DLGAP4: variants seen among roughly 807,000 people sequenced by gnomAD.
DLGAP4 encodes DLG associated protein 4.
A neutral mutation model predicts 86.9 loss-of-function variants in DLGAP4; 18 were observed. The ratio of observed to expected loss-of-function variants is 0.21; its 90% CI spans 0.14 to 0.31. DLGAP4 has a LOEUF of 0.31. DLGAP4 is among the 10% of genes least tolerant of loss of function. The pLI is 1.00. For missense variants in DLGAP4, 1,085 were observed against 1,362.6 expected, an observed-to-expected ratio of 0.80 and a Z score of 3.21; for synonymous variants, 548 against 574.3, an observed-to-expected ratio of 0.95 and a Z score of 0.65.
At chr20:36,420,213 C>G (rs1364701141) in intron 2 of DLGAP4, among the ~76,000 whole-genome samples, 3 of 152,190 alleles carry the variant, frequency 2.0e-5, no homozygotes, top group Non-Finnish European at 4.4e-5. Context: ...TATATCCAAG[C>G]CCCGTGCTGG....
At chr20:36,487,696 C>T (rs58563503) in intron 7 of DLGAP4, among the ~76,000 whole-genome samples, 1,596 of 152,272 alleles carry the variant, frequency 0.01, 31 homozygotes, top group African/African-American at 0.033. Context: ...CCCATCTAGA[C>T]GCAGGCAACC....
chr20:36,420,674 T>A (rs6094367), intron 2 of DLGAP4, among the ~76,000 whole-genome samples: 1 of 151,630 alleles, frequency 6.6e-6, no homozygotes, highest in South Asian at 2.1e-4. Context: ...CTTGTCTCTA[T>A]AAAAAACACA....
chr20:36,486,934 G>C (rs1159781706), intron 7 of DLGAP4, among the ~76,000 whole-genome samples: 1 of 152,190 alleles, frequency 6.6e-6, no homozygotes, highest in African/African-American at 2.4e-5. Flanking sequence ...CCTTTGAAAA[G>C]CTTCAGAAAA....
chr20:36,358,948 A>C (rs2030425968), intron 1 of DLGAP4, among the ~76,000 whole-genome samples: 3 of 152,238 alleles, frequency 2.0e-5, no homozygotes, highest in Admixed American at 6.5e-5. Context: ...AAATATGAGC[A>C]TGCCAGAAAT....
At chr20:36,452,050 A>T in intron 7 of DLGAP4, among the ~76,000 whole-genome samples, 1 of 152,144 alleles carries the variant, frequency 6.6e-6, no homozygotes, top group East Asian at 1.9e-4. Context: ...ATGAGCCACC[A>T]TGCCTAACGA....
chr20:36,461,783 T>G (rs2034087278), intron 7 of DLGAP4: 7 of 564,842 alleles, frequency 1.2e-5, no homozygotes, highest in Non-Finnish European at 1.5e-5. Context: ...GCTTCCGTCC[T>G]GTCCAGCCGC....
intron 1 of DLGAP4, among the ~76,000 whole-genome samples, chr20:36,307,840 G>A (rs1733376859): frequency 1.3e-5 from 2 of 152,222 alleles, no homozygotes; most frequent in Non-Finnish European, 2.9e-5. Context: ...TCCGCCAGCT[G>A]GAAGTGGTGG....
intron 2 of DLGAP4, among the ~76,000 whole-genome samples, chr20:36,413,550 G>A (rs915467074): frequency 4.7e-5 from 7 of 150,102 alleles, no homozygotes; most frequent in Admixed American, 4.0e-4. Context: ...CCAAGTAGCT[G>A]GACTACAGGT....
At chr20:36,467,157 G>A (rs925436793) in intron 7 of DLGAP4, among the ~76,000 whole-genome samples, 1 of 151,818 alleles carries the variant, frequency 6.6e-6, no homozygotes, top group Admixed American at 6.6e-5. Context: ...CTGCCCTGAG[G>A]AACTTATGGT....
chr20:36,455,290 T>A (rs2033851114), intron 7 of DLGAP4, among the ~76,000 whole-genome samples: 1 of 151,846 alleles, frequency 6.6e-6, no homozygotes, highest in Admixed American at 6.6e-5. Context: ...CTCTCTGCCT[T>A]CCTTCCCTCT....
At position 36,436,114 on chromosome 20, in the gene DLGAP4, C is replaced by G. The variant is rs766213222; in HGVS notation, c.1005C>G (p.Pro335=). The G allele has an allele frequency of 1.3e-6, 2 of 1,553,678 alleles. No individual in the cohort carries two copies. The highest frequency in any genetic ancestry group is 1.7e-6 in the Non-Finnish European group (2 of 1,157,342). The change falls in exon 4 of 13, where the codon CCC becomes CCG. Residue 335 remains proline, a synonymous_variant. Transcript: ENST00000339266. ...QGLAYHYLQV[P]GGGGEWSTTL... Reference sequence around the variant, plus strand: ...GTCCTGTGCCCCATCCCCAGGTGCCCGGCGGCGGCGGCGAGTGGAGCACCA... The same window carrying G: ...GTCCTGTGCCCCATCCCCAGGTGCCGGGCGGCGGCGGCGAGTGGAGCACCA...
At chr20:36,473,919 G>A (rs2034792440) in intron 7 of DLGAP4, among the ~76,000 whole-genome samples, 1 of 152,230 alleles carries the variant, frequency 6.6e-6, no homozygotes, top group Admixed American at 6.5e-5. Context: ...TCTCTGTAGA[G>A]TTGGACTGCT....
intron 2 of DLGAP4, among the ~76,000 whole-genome samples, chr20:36,430,381 T>C (rs952882717): frequency 2.0e-5 from 3 of 152,186 alleles, no homozygotes; most frequent in Non-Finnish European, 2.9e-5. Context: ...CCAGCAGTCA[T>C]ACTTGGTAGA....
intron 10 of DLGAP4, among the ~76,000 whole-genome samples, chr20:36,520,965 T>C (rs1383547092): frequency 6.6e-6 from 1 of 152,224 alleles, no homozygotes; most frequent in Non-Finnish European, 1.5e-5. Context: ...CCTGAGTAGC[T>C]GGGATTACAG....
intron 2 of DLGAP4, among the ~76,000 whole-genome samples, chr20:36,414,613 A>C (rs1217034607): frequency 2.0e-5 from 3 of 152,214 alleles, no homozygotes; most frequent in Non-Finnish European, 4.4e-5. Flanking sequence ...GCTTGAGCCC[A>C]GTTAGCAAAG....
At chr20:36,462,251 T>C in intron 7 of DLGAP4, 1 of 1,238,724 alleles carries the variant, frequency 8.1e-7, no homozygotes, top group Non-Finnish European at 1.0e-6. Context: ...CCTCTCTGCT[T>C]TCCCCTGGTT....
At chr20:36,434,232 T>C (rs1330075532) in intron 3 of DLGAP4, among the ~76,000 whole-genome samples, 1 of 152,138 alleles carries the variant, frequency 6.6e-6, no homozygotes, top group Non-Finnish European at 1.5e-5. Flanking sequence ...CGTGAGCCAC[T>C]GCACCCAGCC....
Position 36,446,745 on chromosome 20 carries a change from G to T in DLGAP4, c.1456G>T (p.Ala486Ser). 1 of 1,612,652 alleles carries T rather than the reference G, an allele frequency of 6.2e-7. No homozygotes were observed. The highest frequency in any genetic ancestry group is 8.5e-7 in the Non-Finnish European group (1 of 1,179,516). ...CCAGTATGAGGCGGCCTGCGAGTCAGCCTGCAGTGAAGCGGAGTCCACAGC... is the reference window on the plus strand; with the variant it reads ...CCAGTATGAGGCGGCCTGCGAGTCATCCTGCAGTGAAGCGGAGTCCACAGC... Reference protein sequence around the residue: ...SDQYEAACESACSEAESTAAE... With the variant: ...SDQYEAACESSCSEAESTAAE... Residue 486 changes from alanine to serine, a missense_variant, in exon 7 of 13, where the codon GCC becomes TCC. By Grantham distance (99) the Ala-to-Ser change is moderately conservative. This residue lies in a region of DLGAP4 where 1,082 missense variants were observed against 1,344.1 expected (regional missense o/e 0.81). Coordinates refer to ENST00000339266, the MANE Select transcript of DLGAP4 (RefSeq NM_001365621.2).
In DLGAP4 at chr20:36,496,945, C is replaced by G; in HGVS notation, c.1889C>G (p.Pro630Arg). 2 of 1,614,178 alleles carry G rather than the reference C, an allele frequency of 1.2e-6. No homozygotes were observed. The highest frequency in any genetic ancestry group is 1.7e-6 in the Non-Finnish European group (2 of 1,180,030). Reference sequence around the variant, plus strand: ...ACACGGGGTGGAGTCGCCCCAGCCCCTGAGGCCCCAGAGCCACCCCCAAAA... The same window carrying G: ...ACACGGGGTGGAGTCGCCCCAGCCCGTGAGGCCCCAGAGCCACCCCCAAAA... Reference protein sequence around the residue: ...SVTRGGVAPAPEAPEPPPKHA... With the variant: ...SVTRGGVAPAREAPEPPPKHA... Residue 630 changes from proline (P) to arginine (R), a missense_variant, in exon 8 of 13, where the codon CCT becomes CGT. Pro to Arg is a moderately radical substitution (Grantham distance 103). Coordinates refer to ENST00000339266, the MANE Select transcript of DLGAP4 (RefSeq NM_001365621.2).
Sources: allele counts gnomAD v4.1 joint callset (sites outside exome capture counted in the v4.1 genomes callset), GRCh38; gene constraint gnomAD v4.1.1; regional missense constraint gnomAD v4.1.1; transcripts MANE v1.5; gene names NCBI Gene and HGNC (gene_info 2026-07-23, HGNC 2026-07-21).